TYW1B: variants seen among roughly 807,000 people sequenced by gnomAD.
TYW1B encodes tRNA-yW synthesizing protein 1 homolog B.
A neutral mutation model predicts 86.9 loss-of-function variants in TYW1B; 73 were observed. The ratio of observed to expected loss-of-function variants is 0.84; its 90% confidence interval spans 0.70 to 1.02. The LOEUF (loss-of-function observed/expected upper bound fraction) is 1.02, where lower values mean the gene tolerates loss of function less well. Ranked by LOEUF, TYW1B falls within the 50% of genes least tolerant of loss-of-function variation. The pLI is 0.00. For missense variants in TYW1B, 637 were observed against 827.4 expected, an observed-to-expected ratio of 0.77 and a Z score of 2.82; for synonymous variants, 248 against 292.8, an observed-to-expected ratio of 0.85 and a Z score of 1.56.
At chr7:72,606,280 A>G (rs1811795734) in intron 13 of TYW1B, among the ~76,000 whole-genome samples, 1 of 152,158 alleles carries the variant, frequency 6.6e-6, no homozygotes, top group Non-Finnish European at 1.5e-5. Context: ...AAACTTTTAG[A>G]CAATAACCAA....
intron 10 of TYW1B, among the ~76,000 whole-genome samples, chr7:72,707,115 GC>G (rs1814632725): frequency 6.6e-6 from 1 of 152,216 alleles, no homozygotes. Context: ...GTACCCAAGT[GC>G]CCCTGCCCTG....
intron 11 of TYW1B, among the ~76,000 whole-genome samples, chr7:72,680,789 T>C (rs1206138132): frequency 2.0e-5 from 3 of 152,048 alleles, no homozygotes; most frequent in Non-Finnish European, 4.4e-5. Context: ...TGATTCCCTC[T>C]GAAAGAAAGA....
intron 11 of TYW1B, among the ~76,000 whole-genome samples, chr7:72,632,155 T>C (rs1219572967): frequency 6.7e-6 from 1 of 149,422 alleles, no homozygotes; most frequent in Non-Finnish European, 1.5e-5. Flanking sequence ...TAGCCGGGCA[T>C]GGCTGAAGCA....
chr7:72,621,092 T>C (rs1448561200), intron 12 of TYW1B, among the ~76,000 whole-genome samples: 4 of 152,140 alleles, frequency 2.6e-5, no homozygotes, highest in African/African-American at 9.7e-5. Context: ...TCCCCAGTGT[T>C]GGGGGTGGAG....
chr7:72,684,423 A>G (rs1216909333), intron 11 of TYW1B, among the ~76,000 whole-genome samples: 3 of 152,168 alleles, frequency 2.0e-5, no homozygotes, highest in Admixed American at 2.0e-4. Flanking sequence ...GCAGGGTGAA[A>G]TATTTAAGTA....
Position 72,768,888 on chromosome 7 carries a change from T to C in TYW1B, c.964+8528A>G, listed in dbSNP as rs1327443268. On this transcript the variant is annotated intron_variant, in intron 7 of 13. Coordinates refer to ENST00000620995, the MANE Select transcript of TYW1B (RefSeq NM_001145440.3). ...CTAAGAATGGTTTACTGTGGAGCAG[T>C]TGGAAGACTATTTGAATTTTGCAAA... 3.5e-5 allele frequency: 12 copies of C among 343,580 alleles called. No individual in the cohort carries two copies. In the Admixed American group the frequency reaches 3.7e-4, roughly 11 times the overall value. 21.3% of individuals were successfully genotyped at this position (343,580 alleles called of 1,614,324 possible). A position where few individuals can be genotyped will look rare whatever the true frequency, so the allele number is the denominator to read the frequency against.
chr7:72,818,054 C>A (rs1249428674), intron 2 of TYW1B, among the ~76,000 whole-genome samples: 1 of 150,796 alleles, frequency 6.6e-6, no homozygotes, highest in Non-Finnish European at 1.5e-5. Flanking sequence ...AGTTCTTGCC[C>A]TATCAGTTCA....
At chr7:72,611,505 G>A (rs1361505129) in intron 13 of TYW1B, among the ~76,000 whole-genome samples, 1 of 152,042 alleles carries the variant, frequency 6.6e-6, no homozygotes, top group African/African-American at 2.4e-5. Flanking sequence ...TCTTTCGCTT[G>A]GCCCTCTTTT....
At chr7:72,739,972 C>T (rs1284849914) in intron 8 of TYW1B, among the ~76,000 whole-genome samples, 8 of 148,694 alleles carry the variant, frequency 5.4e-5, no homozygotes, top group African/African-American at 2.0e-4. Flanking sequence ...TGGCTCAAGT[C>T]TGTAATCCCG....
At chr7:72,630,155 T>C (rs1352388007) in intron 11 of TYW1B, among the ~76,000 whole-genome samples, 18 of 152,104 alleles carry the variant, frequency 1.2e-4, no homozygotes, top group Non-Finnish European at 2.2e-4. Flanking sequence ...GGCGTGCACC[T>C]GTAATCCCAG....
intron 7 of TYW1B, among the ~76,000 whole-genome samples, chr7:72,758,387 A>G (rs1255746428): frequency 6.6e-5 from 10 of 152,070 alleles, no homozygotes; most frequent in African/African-American, 2.4e-4. Flanking sequence ...AAGTGGACCT[A>G]ATTTATTATG....
chr7:72,632,364 T>C (rs1164069496), intron 11 of TYW1B, among the ~76,000 whole-genome samples: 11 of 103,986 alleles, frequency 1.1e-4, no homozygotes, highest in East Asian at 9.1e-4. Flanking sequence ...ATTATATATA[T>C]ACGCATATAT....
intron 12 of TYW1B, among the ~76,000 whole-genome samples, chr7:72,621,783 C>T (rs1480746813): frequency 1.3e-5 from 2 of 152,170 alleles, no homozygotes; most frequent in Non-Finnish European, 2.9e-5. Context: ...TTTTCTAATC[C>T]AATACAAAAT....
At chr7:72,588,586 T>TTATC (rs1554430879) in intron 13 of TYW1B, among the ~76,000 whole-genome samples, 1 of 152,186 alleles carries the variant, frequency 6.6e-6, no homozygotes, top group East Asian at 1.9e-4. Flanking sequence ...CAGTGCCTAA[T>TTATC]TATCTACAGG....
intron 7 of TYW1B, among the ~76,000 whole-genome samples, chr7:72,768,317 C>T (rs1181656740): frequency 2.6e-4 from 39 of 152,060 alleles, no homozygotes; most frequent in African/African-American, 9.4e-4. Context: ...CAACTCTGTC[C>T]GCCCCCTCGG....
Position 72,779,174 on chromosome 7 carries a change from G to T in TYW1B, c.847-1641C>A, listed in dbSNP as rs560895507. Among the ~76,000 whole-genome samples, 225 of 152,298 alleles carry T rather than the reference G, an allele frequency of 1.5e-3. 1 individual carries two copies. The highest frequency in any genetic ancestry group is 5.3e-3 in the African/African-American group (219 of 41,562). On this transcript the variant is annotated intron_variant, in intron 6 of 13. Transcript: ENST00000620995. ...TCTATTTTAAATGTCCAGCCATCCA[G>T]CCCCCAGGTGAATAAGTGAATGGAC...
At chr7:72,690,996 G>T (rs201398720) in intron 11 of TYW1B, among the ~76,000 whole-genome samples, 1 of 152,066 alleles carries the variant, frequency 6.6e-6, no homozygotes, top group East Asian at 1.9e-4. Context: ...CAAGTGATCT[G>T]CCCGCCTCAG....
At chr7:72,743,334 A>G (rs1373955639) in intron 8 of TYW1B, among the ~76,000 whole-genome samples, 1 of 152,200 alleles carries the variant, frequency 6.6e-6, no homozygotes, top group Non-Finnish European at 1.5e-5. Flanking sequence ...ATACTAGAAG[A>G]GACTGGTATC....
intron 8 of TYW1B, among the ~76,000 whole-genome samples, chr7:72,734,244 T>G (rs1451828962): frequency 5.1e-5 from 1 of 19,650 alleles, no homozygotes; most frequent in African/African-American, 1.2e-4. Flanking sequence ...GGCAACAGTT[T>G]AAAACTCCAT....
Sources: allele counts gnomAD v4.1 joint callset (sites outside exome capture counted in the v4.1 genomes callset), GRCh38; gene constraint gnomAD v4.1.1; transcripts MANE v1.5; gene names NCBI Gene and HGNC (gene_info 2026-07-23, HGNC 2026-07-21).